ABCC4: variants seen among roughly 807,000 people sequenced by gnomAD.
The protein encoded by ABCC4 is ATP-binding cassette sub-family C member 4.
A neutral mutation model predicts 168.5 loss-of-function variants in ABCC4; 102 were observed. The observed-to-expected ratio is 0.61, with a 90% confidence interval of 0.52 to 0.71. The LOEUF (loss-of-function observed/expected upper bound fraction) is 0.71. ABCC4 is among the 30% of genes least tolerant of loss of function. The pLI is 0.00. For missense variants in ABCC4, 1,402 were observed against 1,605.8 expected (o/e 0.87, Z 2.17); for synonymous variants, 617 against 590.7 (o/e 1.04, Z -0.65).
intron 25 of ABCC4, among the ~76,000 whole-genome samples, chr13:95,063,357 T>C (rs2033374954): frequency 6.6e-6 from 1 of 152,210 alleles, no homozygotes; most frequent in South Asian, 2.1e-4. Flanking sequence ...AAGACAGAGG[T>C]GTCAGAAGTG....
intron 4 of ABCC4, among the ~76,000 whole-genome samples, chr13:95,221,152 CA>C (rs2039300447): frequency 6.6e-6 from 1 of 152,208 alleles, no homozygotes; most frequent in Admixed American, 6.5e-5. Flanking sequence ...CAGATTATTA[CA>C]GACAGAAAGT....
chr13:95,068,165 C>T (rs893727461), intron 25 of ABCC4, among the ~76,000 whole-genome samples: 7 of 152,306 alleles, frequency 4.6e-5, no homozygotes, highest in Admixed American at 1.3e-4. Context: ...CCCTCTCCAT[C>T]AGCTCCAACA....
At chr13:95,041,624 A>C (rs1041772777) in intron 29 of ABCC4, among the ~76,000 whole-genome samples, 1 of 152,216 alleles carries the variant, frequency 6.6e-6, no homozygotes, top group African/African-American at 2.4e-5. Context: ...AGCTTTCAGA[A>C]TAACAGAACA....
intron 8 of ABCC4, among the ~76,000 whole-genome samples, chr13:95,200,730 A>C (rs2038601128): frequency 6.6e-6 from 1 of 152,220 alleles, no homozygotes; most frequent in African/African-American, 2.4e-5. Flanking sequence ...AAAACAAAAC[A>C]AAACAAAACA....
chr13:95,186,470 C>T (rs2038062687), intron 11 of ABCC4, among the ~76,000 whole-genome samples: 1 of 152,124 alleles, frequency 6.6e-6, no homozygotes, highest in Non-Finnish European at 1.5e-5. Context: ...GTAAATAAAA[C>T]TTCACAAAAC....
At chr13:95,029,469 G>C (rs1432413612) in intron 30 of ABCC4, among the ~76,000 whole-genome samples, 1 of 152,004 alleles carries the variant, frequency 6.6e-6, no homozygotes, top group Non-Finnish European at 1.5e-5. Flanking sequence ...GAAGGTGCCA[G>C]GGCTGAAACC....
intron 14 of ABCC4, among the ~76,000 whole-genome samples, chr13:95,169,257 C>A (rs1453004272): frequency 6.6e-6 from 1 of 152,144 alleles, no homozygotes; most frequent in Non-Finnish European, 1.5e-5. Context: ...TTCTGGCAGC[C>A]CTAGGAAACT....
At chr13:95,032,529 A>G (rs762135112) in intron 30 of ABCC4, among the ~76,000 whole-genome samples, 6 of 152,260 alleles carry the variant, frequency 3.9e-5, no homozygotes, top group Admixed American at 6.5e-5. Context: ...GAAATATCCT[A>G]CAGACAGTGG....
At chr13:95,080,034 T>C (rs2034036965) in intron 21 of ABCC4, among the ~76,000 whole-genome samples, 1 of 152,160 alleles carries the variant, frequency 6.6e-6, no homozygotes, top group African/African-American at 2.4e-5. Flanking sequence ...TTCTCCAGAC[T>C]TTGTAGCCCA....
chr13:95,082,071 T>C lies in ABCC4; in HGVS notation c.2686+1069A>G, dbSNP rs143263773. Among the ~76,000 whole-genome samples, 312 of 152,300 alleles carry C rather than the reference T, an allele frequency of 2.0e-3. 1 individual carries two copies. Among genetic ancestry groups the C allele is most frequent in the African/African-American group, 7.2e-3 (299 of 41,572 alleles). On this transcript the variant is annotated intron_variant, in intron 21 of 30. Coordinates refer to ENST00000645237, the MANE Select transcript of ABCC4 (RefSeq NM_005845.5). ...ATATATGTCACAACCAAAAACTGCT[T>C]TGTCCTAATAAACTTCTATTTACCA...
At chr13:95,125,597 A>G (rs1310253109) in intron 19 of ABCC4, among the ~76,000 whole-genome samples, 2 of 152,242 alleles carry the variant, frequency 1.3e-5, no homozygotes, top group East Asian at 3.8e-4. Context: ...ATTAATTAGG[A>G]AAGTCCAGGG....
At chr13:95,165,950 T>C (rs1049948043) in intron 15 of ABCC4, among the ~76,000 whole-genome samples, 6 of 152,168 alleles carry the variant, frequency 3.9e-5, no homozygotes, top group African/African-American at 1.4e-4. Context: ...CTCCTTGACA[T>C]TCCCCAGCCT....
chr13:95,079,765 G>A (rs964374620), intron 21 of ABCC4, among the ~76,000 whole-genome samples: 8 of 152,170 alleles, frequency 5.3e-5, no homozygotes, highest in African/African-American at 1.9e-4. Flanking sequence ...AACTCGGGAG[G>A]TGGAAGTTGC....
chr13:95,138,306 A>G (rs1450822998), intron 19 of ABCC4, among the ~76,000 whole-genome samples: 1 of 152,194 alleles, frequency 6.6e-6, no homozygotes, highest in Non-Finnish European at 1.5e-5. Flanking sequence ...CTTATGCAAT[A>G]ATTTTCTGGA....
chr13:95,034,230 A>G (rs754955604), intron 30 of ABCC4, among the ~76,000 whole-genome samples: 13 of 152,240 alleles, frequency 8.5e-5, no homozygotes, highest in Non-Finnish European at 1.8e-4. Flanking sequence ...GCATTTGCCT[A>G]TCAATAAGAA....
At chr13:95,252,217 A>C (rs1018254036) in intron 1 of ABCC4, among the ~76,000 whole-genome samples, 3 of 152,196 alleles carry the variant, frequency 2.0e-5, no homozygotes, top group African/African-American at 7.2e-5. Flanking sequence ...CAAGCCAATA[A>C]GAAAAGGAAA....
At chr13:95,098,693 C>T (rs538792383) in intron 20 of ABCC4, among the ~76,000 whole-genome samples, 1 of 152,014 alleles carries the variant, frequency 6.6e-6, no homozygotes, top group Non-Finnish European at 1.5e-5. Flanking sequence ...AAAAAATCAA[C>T]AAGATTTTTA....
At chr13:95,075,207 CCA>C (rs949198337) in intron 22 of ABCC4, 34 of 547,186 alleles carry the variant, frequency 6.2e-5, no homozygotes, top group Non-Finnish European at 1.0e-4. Flanking sequence ...GAGAAAGACC[CCA>C]CAAGCCAGTC....
At chr13:95,071,559 C>T in intron 25 of ABCC4, 103 bp downstream of exon 25, 1 of 1,007,826 alleles carries the variant, frequency 9.9e-7, no homozygotes, top group East Asian at 2.9e-5. Context: ...ACAGGTTAAC[C>T]TACGTATCAC....
Sources: gnomAD v4.1 joint callset for allele counts (sites outside exome capture counted in the v4.1 genomes callset) on GRCh38, gnomAD v4.1.1 for gene constraint, MANE v1.5 for transcripts, NCBI Gene and HGNC (gene_info 2026-07-23, HGNC 2026-07-21) for gene names.